KMT2A: variants seen among roughly 807,000 people sequenced by gnomAD.
KMT2A encodes the protein histone-lysine N-methyltransferase 2A.
KMT2A carries 16 observed loss-of-function variants against 345.3 expected under a neutral mutation model. The ratio of observed to expected loss-of-function variants is 0.05; its 90% CI spans 0.03 to 0.07. The LOEUF (loss-of-function observed/expected upper bound fraction) is 0.07. Ranked by LOEUF, KMT2A falls within the 10% of genes least tolerant of loss-of-function variation. The pLI is 1.00. For missense variants in KMT2A, 3,272 were observed against 4,841.6 expected (o/e 0.68, Z 9.62); for synonymous variants, 1,599 against 1,778.6 (o/e 0.90, Z 2.54).
intron 31 of KMT2A, among the ~76,000 whole-genome samples, chr11:118,512,670 C>G (rs1409010347): frequency 6.6e-6 from 1 of 152,048 alleles, no homozygotes; most frequent in Non-Finnish European, 1.5e-5. Context: ...ATGGCTGGGT[C>G]ATATGGTAAC....
At position 118,490,430 on chromosome 11, in the gene KMT2A, G is replaced by A. The variant is rs9332807; in HGVS notation, c.4696+181G>A. 7.4e-3 allele frequency among the ~76,000 whole-genome samples: 1,129 copies of A among 152,184 alleles called. 12 individuals carry two copies. Among genetic ancestry groups the A allele is most frequent in the African/African-American group, 0.026 (1,062 of 41,516 alleles). Reference sequence around the variant, plus strand: ...CTAGAAATGTCTTGTTAGTTTATACGGGAAGTGTTAAGGGGACTTTTCATT... The same window carrying A: ...CTAGAAATGTCTTGTTAGTTTATACAGGAAGTGTTAAGGGGACTTTTCATT... On this transcript the variant is annotated intron_variant, in intron 13 of 35. Transcript: ENST00000534358. This position sits in a 1 kb window ranked among gnomAD's most constrained non-coding sequence, Gnocchi z 4.2.
intron 1 of KMT2A, among the ~76,000 whole-genome samples, chr11:118,467,807 T>C (rs1949873306): frequency 6.6e-6 from 1 of 152,228 alleles, no homozygotes. Flanking sequence ...CACTATAAAT[T>C]GGAGGTTCCA....
chr11:118,515,544 A>G (rs964911825), intron 31 of KMT2A, among the ~76,000 whole-genome samples: 21 of 152,142 alleles, frequency 1.4e-4, no homozygotes, highest in Non-Finnish European at 2.5e-4. Flanking sequence ...CTTCATCTTC[A>G]AGCTGATAGC....
chr11:118,489,429 A>G (rs530833253), intron 11 of KMT2A, among the ~76,000 whole-genome samples: 1 of 152,254 alleles, frequency 6.6e-6, no homozygotes, highest in African/African-American at 2.4e-5. Flanking sequence ...TCTGTCTTCC[A>G]GTTAAGATTT....
chr11:118,519,541 C>A, intron 31 of KMT2A, 77 bp from the exon 32 acceptor site: 2 of 1,334,810 alleles, frequency 1.5e-6, no homozygotes, highest in Middle Eastern at 2.1e-4. Context: ...GTGACTATAG[C>A]ATAGGCATTT....
At chr11:118,440,814 C>A (rs1240138462) in intron 1 of KMT2A, among the ~76,000 whole-genome samples, 1 of 144,850 alleles carries the variant, frequency 6.9e-6, no homozygotes, top group Non-Finnish European at 1.5e-5. Flanking sequence ...GTTTACTGGT[C>A]ATGTATGTAC....
intron 8 of KMT2A, among the ~76,000 whole-genome samples, 197 bp from the exon 9 acceptor site, chr11:118,483,986 T>C (rs1224808650): frequency 6.6e-6 from 1 of 152,218 alleles, no homozygotes; most frequent in Non-Finnish European, 1.5e-5. Context: ...GAGCTGTGAC[T>C]GTGCCACTGT....
At position 118,501,824 on chromosome 11, in the gene KMT2A, A is replaced by C. The variant is rs1466431896; in HGVS notation, c.6472A>C (p.Arg2158=). The part of the protein sequence containing the change: ...IRTPSYSPTQ[R]SPGCRPLPSA... ...AACACCCAGTTATTCTCCAACACAG[A>C]GATCCCCTGGCTGTCGACCGTTGCC... Residue 2158 remains arginine, a synonymous_variant, in exon 26 of 36, where the codon AGA becomes CGA. Transcript: ENST00000534358. 9 of 1,613,678 alleles carry C rather than the reference A, an allele frequency of 5.6e-6. No homozygotes were observed. In the East Asian group the frequency reaches 8.9e-5, roughly 16 times the overall value.
chr11:118,474,347 A>G (rs781857470), intron 3 of KMT2A, 32 bp downstream of exon 3: 25 of 1,597,196 alleles, frequency 1.6e-5, no homozygotes, highest in Admixed American at 5.1e-5. Context: ...ATTAAAACTA[A>G]CAGTTTATTG....
chr11:118,440,150 C>A (rs1348369645), intron 1 of KMT2A, among the ~76,000 whole-genome samples: 1 of 152,166 alleles, frequency 6.6e-6, no homozygotes, highest in East Asian at 1.9e-4. Context: ...ATGACTATAA[C>A]TTGCCTATGT....
At position 118,498,501 on chromosome 11, in the gene KMT2A, A is replaced by G. The variant is rs1415689728; in HGVS notation, c.5934A>G (p.Gln1978=). Residue 1978 remains glutamine (Q), a synonymous_variant, in exon 22 of 36, where the codon CAA becomes CAG. Transcript: ENST00000534358. This position sits in a 1 kb window ranked among gnomAD's most constrained non-coding sequence, Gnocchi z 4.4. Reference sequence around the variant, plus strand: ...TGGATGATAAAAAAGTATATTGCCAACGACATCGGGATTTGATCAAAGGCG... The same window carrying G: ...TGGATGATAAAAAAGTATATTGCCAGCGACATCGGGATTTGATCAAAGGCG... The part of the protein sequence containing the change: ...VFLDDKKVYC[Q]RHRDLIKGEV... 6.8e-6 allele frequency: 11 copies of G among 1,612,502 alleles called. No homozygotes were observed. Among genetic ancestry groups the G allele is most frequent in the South Asian group, 1.1e-5 (1 of 90,826 alleles).
chr11:118,445,836 C>G (rs1365659607), intron 1 of KMT2A, among the ~76,000 whole-genome samples: 2 of 151,906 alleles, frequency 1.3e-5, no homozygotes, highest in Non-Finnish European at 2.9e-5. Flanking sequence ...AACCCTGTCT[C>G]TACTAAAAAT....
chr11:118,436,716 A>G lies in KMT2A; in HGVS notation c.204A>G (p.Gly68=), dbSNP rs782531805. The change falls in exon 1 of 36, where the codon GGA becomes GGG. Residue 68 remains glycine, a synonymous_variant. Transcript: ENST00000534358. This position sits in a 1 kb window ranked among gnomAD's most constrained non-coding sequence, Gnocchi z 6.9. The part of the protein sequence containing the change: ...PAVAAAAAAA[G]SSGAGVPGGA... ...TGGCGGCCGCGGCGGCGGCGGCGGGAAGCAGCGGGGCTGGGGTTCCAGGGG... is the reference window on the plus strand; with the variant it reads ...TGGCGGCCGCGGCGGCGGCGGCGGGGAGCAGCGGGGCTGGGGTTCCAGGGG... The G allele has an allele frequency of 8.0e-6, 11 of 1,379,614 alleles. No individual in the cohort carries two copies. The East Asian group carries it at 2.9e-4, about 37-fold the overall frequency. 85.5% of individuals were successfully genotyped at this position (1,379,614 alleles called of 1,614,324 possible). A position where few individuals can be genotyped will look rare whatever the true frequency, so the allele number is the denominator to read the frequency against.
intron 28 of KMT2A, 132 bp downstream of exon 28, chr11:118,507,741 G>T: frequency 1.5e-6 from 1 of 674,520 alleles, no homozygotes; most frequent in Non-Finnish European, 2.6e-6. Context: ...GAGGCAGGTG[G>T]ATCACGAGGT....
At chr11:118,517,404 A>AG (rs1358986473) in intron 31 of KMT2A, among the ~76,000 whole-genome samples, 1 of 151,084 alleles carries the variant, frequency 6.6e-6, no homozygotes, top group Non-Finnish European at 1.5e-5. Flanking sequence ...TCAAAAAAAA[A>AG]AAAAAAAAGA....
At chr11:118,519,394 A>G in intron 31 of KMT2A, 1 of 473,308 alleles carries the variant, frequency 2.1e-6, no homozygotes, top group Admixed American at 3.4e-5. Context: ...GTTTGGTGGC[A>G]TGCTTTTTTC....
intron 25 of KMT2A, 58 bp downstream of exon 25, chr11:118,501,205 C>T (rs1950494503): frequency 8.5e-6 from 13 of 1,530,514 alleles, no homozygotes; most frequent in East Asian, 6.8e-5. Context: ...CGCCTGTAAT[C>T]GCAGCACTTT....
At chr11:118,513,488 AT>A (rs1240032711) in intron 31 of KMT2A, among the ~76,000 whole-genome samples, 2 of 152,030 alleles carry the variant, frequency 1.3e-5, no homozygotes, top group African/African-American at 4.8e-5. Flanking sequence ...AAATACTAAC[AT>A]TTGTTCATTT....
chr11:118,478,255 A>G, intron 5 of KMT2A, 54 bp downstream of exon 5: 1 of 1,350,446 alleles, frequency 7.4e-7, no homozygotes, highest in East Asian at 2.3e-5. Flanking sequence ...AAGGTTGCTT[A>G]TTTATCCCTA....
Sources: gnomAD v4.1 joint callset for allele counts (sites outside exome capture counted in the v4.1 genomes callset) on GRCh38, gnomAD v4.1.1 for gene constraint, Gnocchi (gnomAD v3.1) non-coding constraint, MANE v1.5 for transcripts, NCBI Gene and HGNC (gene_info 2026-07-23, HGNC 2026-07-21) for gene names.